The following EGF variants were observed in gnomAD, a reference collection of about 807,000 sequenced individuals.
EGF encodes pro-epidermal growth factor.
EGF carries 95 observed loss-of-function variants against 143.8 expected under a neutral mutation model. The ratio of observed to expected loss-of-function variants is 0.66; its 90% CI spans 0.56 to 0.78. The LOEUF (loss-of-function observed/expected upper bound fraction) is 0.78. EGF is among the 30% of genes least tolerant of loss of function. The pLI, the probability that EGF is intolerant of heterozygous loss-of-function variation, is 0.00. For missense variants in EGF, 1,320 were observed against 1,470.9 expected (o/e 0.90, Z 1.68); for synonymous variants, 510 against 510.5 (o/e 1.00, Z 0.01).
intron 17 of EGF, 61 bp downstream of exon 17, chr4:109,987,921 C>G: frequency 7.9e-7 from 1 of 1,272,296 alleles, no homozygotes; most frequent in South Asian, 1.2e-5. Context: ...ATTTTTTCTG[C>G]TCTTTCTGAC....
intron 1 of EGF, among the ~76,000 whole-genome samples, chr4:109,918,664 C>T (rs1406954679): frequency 6.6e-6 from 1 of 152,150 alleles, no homozygotes; most frequent in East Asian, 1.9e-4. Flanking sequence ...CACCACCTCA[C>T]ACCAGCCACC....
At chr4:110,000,459 A>G (rs1752436531) in intron 21 of EGF, among the ~76,000 whole-genome samples, 1 of 152,088 alleles carries the variant, frequency 6.6e-6, no homozygotes, top group African/African-American at 2.4e-5. Flanking sequence ...CTCCCCCCAT[A>G]GCCTGCATAA....
intron 11 of EGF, among the ~76,000 whole-genome samples, chr4:109,970,059 T>A (rs1328068999): frequency 6.6e-6 from 1 of 152,104 alleles, no homozygotes. Flanking sequence ...ATAAGAGAGA[T>A]GCTCTTTGTT....
chr4:109,913,341 G>A lies in EGF; in HGVS notation c.6G>A (p.Leu2=), dbSNP rs758291999. The A allele has an allele frequency of 3.7e-6, 6 of 1,613,752 alleles. No homozygotes were observed. The Admixed American group carries it at 1.0e-4, about 27-fold the overall frequency. Residue 2 remains leucine (L), a synonymous_variant, in exon 1 of 24, where the codon CTG becomes CTA. Transcript: ENST00000265171. ...AGTTCAAACTCATCAAGATTATGCT[G>A]CTCACTCTTATCATTCTGTTGCCAG... M[L]LTLIILLPVV... is the part of the protein sequence containing the mutation.
intron 5 of EGF, among the ~76,000 whole-genome samples, chr4:109,949,588 T>C (rs1303069595): frequency 6.6e-6 from 1 of 151,956 alleles, no homozygotes; most frequent in Admixed American, 6.5e-5. Context: ...CCCACAGGAC[T>C]CTTGAATCTA....
chr4:109,989,333 A>G (rs1750617991), intron 18 of EGF, among the ~76,000 whole-genome samples: 1 of 152,168 alleles, frequency 6.6e-6, no homozygotes, highest in African/African-American at 2.4e-5. Context: ...TCCAGGTGTC[A>G]GTAGCATCGC....
intron 20 of EGF, among the ~76,000 whole-genome samples, chr4:109,997,182 C>T (rs1751916350): frequency 6.6e-6 from 1 of 152,080 alleles, no homozygotes; most frequent in Admixed American, 6.5e-5. Flanking sequence ...TGAGTCAGTT[C>T]CTGGGTGGGG....
In EGF at chr4:109,961,902, A is replaced by T. The variant is rs763092051; in HGVS notation, c.1229A>T (p.His410Leu). 1.9e-6 allele frequency: 3 copies of T among 1,613,854 alleles called. No individual in the cohort carries two copies. The highest frequency in any genetic ancestry group is 2.2e-5 in the East Asian group (1 of 44,892). ...SCPRNVSECS[H>L]DCVLTSEGPL... is the part of the protein sequence containing the mutation. ...CCACGCAATGTGTCTGAATGCAGCC[A>T]TGACTGTGTTCTGACATCAGAAGGT... The change falls in exon 8 of 24, where the codon CAT (histidine) becomes CTT (leucine). Residue 410 changes from histidine (H) to leucine (L), a missense_variant. Physicochemically the swap from His to Leu is moderately conservative, Grantham distance 99. Around this residue, in one of 5 missense-constraint regions of EGF, gnomAD observed 1,186 missense variants for 1,313.7 expected, o/e 0.90. Coordinates refer to ENST00000265171, the MANE Select transcript of EGF (RefSeq NM_001963.6).
chr4:109,940,050 A>G (rs1227180781), intron 1 of EGF, among the ~76,000 whole-genome samples: 1 of 152,160 alleles, frequency 6.6e-6, no homozygotes, highest in African/African-American at 2.4e-5. Flanking sequence ...ATCACAGGCA[A>G]GCTGTGTGTG....
chr4:109,983,683 G>A, intron 16 of EGF, 142 bp downstream of exon 16: 1 of 1,148,312 alleles, frequency 8.7e-7, no homozygotes, highest in East Asian at 2.5e-5. Flanking sequence ...ACTCAAGTCT[G>A]TCTCTTCTGA....
intron 1 of EGF, among the ~76,000 whole-genome samples, chr4:109,932,380 T>TATATATATATATATA: frequency 1.3e-4 from 14 of 103,776 alleles, no homozygotes; most frequent in East Asian, 3.2e-4. Context: ...TATATATAAA[T>TATATATATATATATA]TTTTTTTTTT....
At chr4:109,921,620 C>A (rs1737796986) in intron 1 of EGF, among the ~76,000 whole-genome samples, 1 of 151,552 alleles carries the variant, frequency 6.6e-6, no homozygotes, top group Admixed American at 6.6e-5. Flanking sequence ...TTCAGACTAA[C>A]TTCCCAGGGT....
intron 15 of EGF, among the ~76,000 whole-genome samples, chr4:109,982,314 TTTTTTC>T (rs201754254): frequency 0.03 from 4,577 of 151,180 alleles, 98 homozygotes; most frequent in Non-Finnish European, 0.047. Context: ...CAGCCAATTT[TTTTTTC>T]TTTTTCTTTT....
chr4:109,913,774 G>A (rs759448711), intron 1 of EGF, among the ~76,000 whole-genome samples: 5 of 151,594 alleles, frequency 3.3e-5, no homozygotes, highest in African/African-American at 4.8e-5. Context: ...ATTAACACCT[G>A]GCTAATTGCT....
At chr4:109,928,813 T>C (rs1739208787) in intron 1 of EGF, among the ~76,000 whole-genome samples, 1 of 152,206 alleles carries the variant, frequency 6.6e-6, no homozygotes, top group Non-Finnish European at 1.5e-5. Flanking sequence ...GCTGGTCAGC[T>C]GTGCCTGAAT....
At chr4:109,943,522 T>C in intron 3 of EGF, 87 bp downstream of exon 3, 1 of 1,454,474 alleles carries the variant, frequency 6.9e-7, no homozygotes, top group African/African-American at 1.4e-5. Flanking sequence ...TTCAAAGGGA[T>C]CCTCTCACTG....
chr4:109,925,124 C>G (rs1738417384), intron 1 of EGF, among the ~76,000 whole-genome samples: 1 of 152,144 alleles, frequency 6.6e-6, no homozygotes, highest in African/African-American at 2.4e-5. Context: ...TACATTACGG[C>G]AAAAGAGGAA....
At chr4:109,943,187 AC>A (rs1282433970) in intron 2 of EGF, 66 bp from the exon 3 acceptor site, 1 of 1,125,740 alleles carries the variant, frequency 8.9e-7, no homozygotes, top group East Asian at 2.5e-5. Flanking sequence ...TTTATATATA[AC>A]AATTAAAATA....
chr4:109,946,695 C>CA (rs1230027875), intron 5 of EGF, among the ~76,000 whole-genome samples: 1 of 151,962 alleles, frequency 6.6e-6, no homozygotes, highest in Non-Finnish European at 1.5e-5. Flanking sequence ...TTTTAGCCAC[C>CA]ATATATACAG....
Sources: allele counts gnomAD v4.1 joint callset (sites outside exome capture counted in the v4.1 genomes callset), GRCh38; gene constraint gnomAD v4.1.1; regional missense constraint gnomAD v4.1.1; transcripts MANE v1.5; gene names NCBI Gene and HGNC (gene_info 2026-07-23, HGNC 2026-07-21).